GPR141: variants seen among roughly 807,000 people sequenced by gnomAD.
GPR141 encodes the protein G protein-coupled receptor 141, also known as probable G protein-coupled receptor 141.
In GPR141, 6 loss-of-function variants were observed where a neutral mutation model predicts 6.8. That is an observed-to-expected ratio of 0.88 (90% CI 0.48 to 1.74). The LOEUF is 1.74. GPR141 is among the 40% of genes most tolerant of loss of function. GPR141 has a pLI of 0.01. For missense variants in GPR141, 372 were observed against 372.9 expected (o/e 1.00, Z 0.02); for synonymous variants, 140 against 142.3 (o/e 0.98, Z 0.11).
At chr7:37,701,793 T>C (rs1046506256) in intron 2 of GPR141, among the ~76,000 whole-genome samples, 3 of 152,152 alleles carry the variant, frequency 2.0e-5, no homozygotes, top group African/African-American at 7.2e-5. Context: ...TATCGTAGAG[T>C]TGTCATGAGG....
intron 2 of GPR141, among the ~76,000 whole-genome samples, chr7:37,702,579 G>C (rs1426445460): frequency 6.6e-6 from 1 of 151,612 alleles, no homozygotes; most frequent in African/African-American, 2.4e-5. Flanking sequence ...GGAACACATA[G>C]ACAGAAAGTC....
chr7:37,731,593 G>A (rs1250943248), intron 2 of GPR141, among the ~76,000 whole-genome samples: 3 of 151,854 alleles, frequency 2.0e-5, no homozygotes, highest in African/African-American at 4.8e-5. Flanking sequence ...ACAGGCGCCC[G>A]CCACAACGCC....
chr7:37,704,787 A>G (rs1810447633), intron 2 of GPR141, among the ~76,000 whole-genome samples: 1 of 152,048 alleles, frequency 6.6e-6, no homozygotes, highest in Non-Finnish European at 1.5e-5. Flanking sequence ...CTGCTTTTAT[A>G]CTCATTTACT....
intron 2 of GPR141, among the ~76,000 whole-genome samples, chr7:37,709,976 A>C (rs895297992): frequency 6.7e-6 from 1 of 148,340 alleles, no homozygotes; most frequent in Non-Finnish European, 1.5e-5. Context: ...CGCCCGCAGT[A>C]AGCATTCTCT....
chr7:37,718,511 CGAAGGAAGGAAGAAAGGAAGGAAGGAAG>C (rs1811152876), intron 2 of GPR141, among the ~76,000 whole-genome samples: 3 of 87,318 alleles, frequency 3.4e-5, no homozygotes, highest in South Asian at 1.0e-3. Context: ...GACTCTGTCT[CGAAGGAAGGAAGAAAGGAAGGAAGGAAG>C]GAAGGAAGGA....
At chr7:37,688,305 G>A (rs964426720) in intron 2 of GPR141, among the ~76,000 whole-genome samples, 13 of 151,974 alleles carry the variant, frequency 8.6e-5, no homozygotes, top group Middle Eastern at 3.2e-3. Context: ...GGTGGTACAC[G>A]CCTGTAATCC....
intron 2 of GPR141, among the ~76,000 whole-genome samples, chr7:37,736,395 G>A (rs1812237500): frequency 1.3e-5 from 2 of 151,716 alleles, no homozygotes; most frequent in Admixed American, 6.6e-5. Flanking sequence ...ATAACAGATT[G>A]GGACAAAGCA....
At chr7:37,715,172 G>A (rs1036716639) in intron 2 of GPR141, among the ~76,000 whole-genome samples, 1 of 152,150 alleles carries the variant, frequency 6.6e-6, no homozygotes, top group African/African-American at 2.4e-5. Flanking sequence ...CCAGGCTGGA[G>A]TGCAGTGGCA....
rs1443498609 is a variant in GPR141, at chr7:37,741,910, T to C, written c.*599T>C. Among the ~76,000 whole-genome samples the C allele has an allele frequency of 2.0e-5, 3 of 152,220 alleles. No individual in the cohort carries two copies. Among genetic ancestry groups the C allele is most frequent in the Non-Finnish European group, 2.9e-5 (2 of 68,032 alleles). ...AGAAAAAGAACGTGTGGCCTCCTGTTATAACAAGGGTTTCTAGATTTGTCC... is the reference window on the plus strand; with the variant it reads ...AGAAAAAGAACGTGTGGCCTCCTGTCATAACAAGGGTTTCTAGATTTGTCC... On this transcript the variant is annotated 3_prime_UTR_variant, in exon 3 of 3. Coordinates refer to ENST00000334425, the MANE Select transcript of GPR141 (RefSeq NM_001381946.1).
chr7:37,697,842 T>G (rs1459822127), intron 2 of GPR141, among the ~76,000 whole-genome samples: 1 of 152,182 alleles, frequency 6.6e-6, no homozygotes, highest in Non-Finnish European at 1.5e-5. Context: ...TAGGTGATTA[T>G]GAAGGCTAGT....
In GPR141 at chr7:37,741,364, G is replaced by A. The variant is rs1420206919; in HGVS notation, c.*53G>A. 6 of 1,291,014 alleles carry A rather than the reference G, an allele frequency of 4.6e-6. No individual in the cohort carries two copies. In the East Asian group the frequency reaches 9.3e-5, roughly 20 times the overall value. The allele number at this position is 1,291,014 out of a possible 1,614,324, so 80.0% of individuals were successfully genotyped here. A position where few individuals can be genotyped will look rare whatever the true frequency, so the allele number is the denominator to read the frequency against. On this transcript the variant is annotated 3_prime_UTR_variant, in exon 3 of 3. Coordinates refer to ENST00000334425, the MANE Select transcript of GPR141 (RefSeq NM_001381946.1). Reference sequence around the variant, plus strand: ...TCCTTTATATTGGGAATAAAAATGGGTATAGGGGAGGTAAGAATGGTATTT... The same window carrying A: ...TCCTTTATATTGGGAATAAAAATGGATATAGGGGAGGTAAGAATGGTATTT...
intron 2 of GPR141, among the ~76,000 whole-genome samples, chr7:37,733,962 A>C (rs534651315): frequency 6.6e-5 from 10 of 152,130 alleles, no homozygotes; most frequent in Non-Finnish European, 1.0e-4. Context: ...TCTTGAGCCG[A>C]GGAGTTTGAG....
intron 2 of GPR141, among the ~76,000 whole-genome samples, chr7:37,691,712 G>A (rs1435331429): frequency 6.6e-6 from 1 of 152,140 alleles, no homozygotes; most frequent in East Asian, 1.9e-4. Flanking sequence ...CTGGTGAGTG[G>A]TAGTAAATTC....
chr7:37,709,451 A>G (rs1000961739), intron 2 of GPR141, among the ~76,000 whole-genome samples: 1 of 152,278 alleles, frequency 6.6e-6, no homozygotes, highest in East Asian at 1.9e-4. Flanking sequence ...TTTTGTACCT[A>G]TTGCTGGTAT....
At chr7:37,727,383 A>G (rs1811687934) in intron 2 of GPR141, among the ~76,000 whole-genome samples, 1 of 152,010 alleles carries the variant, frequency 6.6e-6, no homozygotes, top group Non-Finnish European at 1.5e-5. Context: ...TATCTGTGGG[A>G]GTATTCTCAA....
intron 2 of GPR141, among the ~76,000 whole-genome samples, chr7:37,715,463 C>A (rs1583551200): frequency 6.6e-6 from 1 of 151,846 alleles, no homozygotes; most frequent in East Asian, 1.9e-4. Flanking sequence ...TTAAAAAAAA[C>A]CAAACCTTTA....
chr7:37,686,314 A>T (rs1336314647), intron 2 of GPR141, among the ~76,000 whole-genome samples: 1 of 152,150 alleles, frequency 6.6e-6, no homozygotes, highest in Non-Finnish European at 1.5e-5. Context: ...GCTGTCTTTC[A>T]AAGTAATAAC....
At chr7:37,735,823 A>G (rs918291314) in intron 2 of GPR141, among the ~76,000 whole-genome samples, 9 of 152,246 alleles carry the variant, frequency 5.9e-5, no homozygotes, top group African/African-American at 2.2e-4. Flanking sequence ...GGTGAAGAAA[A>G]TGAAATAGAT....
At chr7:37,732,144 C>CTT (rs1176520782) in intron 2 of GPR141, among the ~76,000 whole-genome samples, 3,031 of 127,510 alleles carry the variant, frequency 0.024, 137 homozygotes, top group African/African-American at 0.078. Context: ...TTCTCTCTCT[C>CTT]TTTTTTTTTT....
Sources: allele counts gnomAD v4.1 joint callset (sites outside exome capture counted in the v4.1 genomes callset), GRCh38; gene constraint gnomAD v4.1.1; transcripts MANE v1.5; gene names NCBI Gene and HGNC (gene_info 2026-07-23, HGNC 2026-07-21).